RAB5A: variants seen among roughly 807,000 people sequenced by gnomAD.
RAB5A encodes ras-related protein Rab-5A.
In RAB5A, 8 loss-of-function variants were observed where a neutral mutation model predicts 25.7. The ratio of observed to expected loss-of-function variants is 0.31; its 90% CI spans 0.18 to 0.56. The LOEUF (loss-of-function observed/expected upper bound fraction) is 0.56. RAB5A is among the 20% of genes least tolerant of loss of function. RAB5A has a pLI of 0.91. For synonymous variants in RAB5A, 98 were observed against 89.8 expected, an observed-to-expected ratio of 1.09 and a Z score of -0.52; for missense variants, 192 against 259.7, an observed-to-expected ratio of 0.74 and a Z score of 1.79.
At chr3:19,978,141 A>G (rs536330312) in intron 4 of RAB5A, among the ~76,000 whole-genome samples, 169 bp from the exon 5 acceptor site, 52 of 152,340 alleles carry the variant, frequency 3.4e-4, no homozygotes, top group African/African-American at 1.2e-3. Flanking sequence ...TATCTTGCAC[A>G]GTGCTCTTAC....
chr3:19,974,853 A>G (rs1484397283), intron 2 of RAB5A, among the ~76,000 whole-genome samples: 1 of 152,200 alleles, frequency 6.6e-6, no homozygotes, highest in Non-Finnish European at 1.5e-5. Flanking sequence ...TATAGATGGT[A>G]CTTTTAGGCA....
chr3:19,955,605 CATT>C (rs1696488238), intron 2 of RAB5A, among the ~76,000 whole-genome samples: 1 of 152,038 alleles, frequency 6.6e-6, no homozygotes, highest in Non-Finnish European at 1.5e-5. Context: ...TTTTTAAAAA[CATT>C]GTTGACTGGG....
chr3:19,961,080 A>T (rs756144720), intron 2 of RAB5A, among the ~76,000 whole-genome samples: 1 of 152,232 alleles, frequency 6.6e-6, no homozygotes, highest in Admixed American at 6.5e-5. Flanking sequence ...ATTCATAAGT[A>T]ATTTGTAAAT....
chr3:19,956,028 G>A (rs1372735916), intron 2 of RAB5A, among the ~76,000 whole-genome samples: 1 of 152,156 alleles, frequency 6.6e-6, no homozygotes, highest in East Asian at 1.9e-4. Flanking sequence ...ACATCTTTAG[G>A]AAAGTATGAT....
At chr3:19,953,056 T>C (rs1192241153) in intron 2 of RAB5A, among the ~76,000 whole-genome samples, 1 of 152,168 alleles carries the variant, frequency 6.6e-6, no homozygotes, top group African/African-American at 2.4e-5. Flanking sequence ...CCTCTCTCTT[T>C]ATTATTTTAT....
chr3:19,950,204 G>C (rs1696403313), intron 1 of RAB5A, among the ~76,000 whole-genome samples: 1 of 152,190 alleles, frequency 6.6e-6, no homozygotes, highest in Non-Finnish European at 1.5e-5. Flanking sequence ...TTTTAAGTCT[G>C]CCGTTAGGCA....
intron 2 of RAB5A, among the ~76,000 whole-genome samples, chr3:19,970,916 G>T (rs1265312836): frequency 6.6e-6 from 1 of 152,146 alleles, no homozygotes; most frequent in Non-Finnish European, 1.5e-5. Context: ...GTGGAATTTG[G>T]CCAGGTGTGG....
chr3:19,951,702 T>TTTTTTTTTTTC (rs1553638056), intron 2 of RAB5A, among the ~76,000 whole-genome samples: 1 of 57,378 alleles, frequency 1.7e-5, no homozygotes. Context: ...GCCAGGCAAG[T>TTTTTTTTTTTC]TTTTTTTTTT....
intron 5 of RAB5A, among the ~76,000 whole-genome samples, chr3:19,980,866 C>A (rs75236338): frequency 5.0e-4 from 76 of 152,334 alleles, no homozygotes; most frequent in African/African-American, 1.8e-3. Context: ...CTCCCAAATC[C>A]ATTGCCCAAC....
chr3:19,964,873 A>G (rs747398004), intron 2 of RAB5A, among the ~76,000 whole-genome samples: 14 of 151,570 alleles, frequency 9.2e-5, no homozygotes, highest in Non-Finnish European at 1.8e-4. Context: ...AAATGCTAGA[A>G]TTACACAGAC....
intron 2 of RAB5A, among the ~76,000 whole-genome samples, chr3:19,966,298 T>C (rs1417328559): frequency 1.3e-5 from 2 of 152,234 alleles, no homozygotes; most frequent in Non-Finnish European, 2.9e-5. Flanking sequence ...TTTGTACTTT[T>C]GTGGTTTCCT....
chr3:19,956,154 A>G (rs903177122), intron 2 of RAB5A, among the ~76,000 whole-genome samples: 2 of 152,138 alleles, frequency 1.3e-5, no homozygotes, highest in African/African-American at 4.8e-5. Context: ...AAGGCCTGAT[A>G]ATACACAAAA....
At chr3:19,966,169 A>G (rs1279920201) in intron 2 of RAB5A, among the ~76,000 whole-genome samples, 1 of 152,126 alleles carries the variant, frequency 6.6e-6, no homozygotes, top group East Asian at 1.9e-4. Flanking sequence ...CCCTAGCTGA[A>G]ACTCTGCACC....
Position 19,963,398 on chromosome 3 carries a change from A to T in RAB5A, c.164-12203A>T, listed in dbSNP as rs553174073. ...CCCCCCGACTTATTTTCGTAAGATCAATTTCTAGAGGTGATTACTGAACCC... is the reference window on the plus strand; with the variant it reads ...CCCCCCGACTTATTTTCGTAAGATCTATTTCTAGAGGTGATTACTGAACCC... On this transcript the variant is annotated intron_variant, in intron 2 of 5. Transcript: ENST00000273047. 8.8e-5 allele frequency among the ~76,000 whole-genome samples: 10 copies of T among 114,122 alleles called. 1 individual carries two copies. The highest frequency in any genetic ancestry group is 1.7e-4 in the Non-Finnish European group (10 of 60,244). The allele number at this position is 114,122 out of a possible 152,430, so 74.9% of individuals were successfully genotyped here.
intron 5 of RAB5A, among the ~76,000 whole-genome samples, 168 bp from the exon 6 acceptor site, chr3:19,983,540 C>T (rs916607281): frequency 1.3e-5 from 2 of 151,954 alleles, no homozygotes; most frequent in African/African-American, 4.8e-5. Context: ...AAGACAGCAA[C>T]CAATATTTTG....
intron 2 of RAB5A, among the ~76,000 whole-genome samples, chr3:19,961,267 A>C (rs964207779): frequency 6.6e-6 from 1 of 152,214 alleles, no homozygotes; most frequent in Non-Finnish European, 1.5e-5. Context: ...AACTGAAGCA[A>C]TAAAGGTTAA....
At chr3:19,958,495 A>G (rs1378043125) in intron 2 of RAB5A, among the ~76,000 whole-genome samples, 5 of 152,196 alleles carry the variant, frequency 3.3e-5, no homozygotes, top group African/African-American at 1.2e-4. Context: ...TTTCATAAGC[A>G]TTTATGTGAA....
intron 2 of RAB5A, among the ~76,000 whole-genome samples, chr3:19,964,236 C>T (rs1233109792): frequency 6.6e-6 from 1 of 152,148 alleles, no homozygotes; most frequent in East Asian, 1.9e-4. Flanking sequence ...TTTGTAGATA[C>T]TTATATATCT....
At chr3:19,963,492 C>T (rs1476353721) in intron 2 of RAB5A, among the ~76,000 whole-genome samples, 1 of 150,916 alleles carries the variant, frequency 6.6e-6, no homozygotes, top group African/African-American at 2.4e-5. Context: ...CCTTTTTCAT[C>T]CCTTAGAGAT....
Sources: gnomAD v4.1 joint callset for allele counts (sites outside exome capture counted in the v4.1 genomes callset) on GRCh38, gnomAD v4.1.1 for gene constraint, MANE v1.5 for transcripts, NCBI Gene and HGNC (gene_info 2026-07-23, HGNC 2026-07-21) for gene names.